Variants in MCTP2 observed in about 807,000 individuals in gnomAD.
MCTP2 encodes the protein multiple C2 and transmembrane domain-containing protein 2.
A neutral mutation model predicts 111.6 loss-of-function variants in MCTP2; 132 were observed. That is an observed-to-expected ratio of 1.18 (90% CI 1.03 to 1.37). The LOEUF (loss-of-function observed/expected upper bound fraction) is 1.37, where lower values mean the gene tolerates loss of function less well. Ranked by LOEUF, MCTP2 falls within the 40% of genes most tolerant of loss-of-function variation. The probability of loss-of-function intolerance (pLI) is 0.00; values close to 1 mark genes in which losing one functional copy is unlikely to be tolerated. For missense variants in MCTP2, 1,183 were observed against 1,067.9 expected, an observed-to-expected ratio of 1.11 and a Z score of -1.50; for synonymous variants, 395 against 387.7, an observed-to-expected ratio of 1.02 and a Z score of -0.22.
intron 2 of MCTP2, among the ~76,000 whole-genome samples, chr15:94,309,142 G>C (rs989349671): frequency 3.3e-5 from 5 of 152,166 alleles, no homozygotes; most frequent in African/African-American, 1.2e-4. Context: ...ACACCTTCCA[G>C]TTTTGACCTC....
At chr15:94,233,709 T>G (rs2070348909) in intron 1 of MCTP2, among the ~76,000 whole-genome samples, 1 of 152,188 alleles carries the variant, frequency 6.6e-6, no homozygotes, top group South Asian at 2.1e-4. Flanking sequence ...ATTTGACTTT[T>G]GCATAAAGGA....
At position 94,476,717 on chromosome 15, in the gene MCTP2, A is replaced by C; in HGVS notation, c.2492A>C (p.Lys831Thr). The change falls in exon 22 of 23, where the codon AAG (lysine) becomes ACG (threonine). Residue 831 changes from lysine (K) to threonine (T), a missense_variant. By Grantham distance (78) the Lys-to-Thr change is moderately conservative. Coordinates refer to ENST00000357742, the MANE Select transcript of MCTP2 (RefSeq NM_001385001.1). ...LIWGINKFTK[K>T]LRNPYSIDNN... ...TCAGGCATAAATAAATTTACTAAGA[A>C]GCTTCGAAATCCCTATTCCATCGAC... The C allele has an allele frequency of 6.3e-7, 1 of 1,598,280 alleles. No individual in the cohort carries two copies. The highest frequency in any genetic ancestry group is 8.6e-7 in the Non-Finnish European group (1 of 1,165,954).
chr15:94,367,652 T>G lies in MCTP2; in HGVS notation c.1349T>G (p.Leu450Arg), dbSNP rs2079265027. Residue 450 changes from leucine to arginine, a missense_variant, in exon 11 of 23, where the codon CTG becomes CGG. Physicochemically the swap from Leu to Arg is moderately radical, Grantham distance 102. Coordinates refer to ENST00000357742, the MANE Select transcript of MCTP2 (RefSeq NM_001385001.1). ...SALPLKQANC[L>R]ELPLDSCLGA... Reference sequence around the variant, plus strand: ...CTCCCTCTGAAGCAAGCCAACTGCCTGGAGCTGCCACTGGACAGCTGTCTG... The same window carrying G: ...CTCCCTCTGAAGCAAGCCAACTGCCGGGAGCTGCCACTGGACAGCTGTCTG... 1 of 1,612,060 alleles carries G rather than the reference T, an allele frequency of 6.2e-7. No homozygotes were observed. Among genetic ancestry groups the G allele is most frequent in the Middle Eastern group, 1.7e-4 (1 of 6,046 alleles).
chr15:94,419,853 T>C (rs1458706845), intron 17 of MCTP2, among the ~76,000 whole-genome samples: 1 of 152,038 alleles, frequency 6.6e-6, no homozygotes, highest in African/African-American at 2.4e-5. Flanking sequence ...CCAGAAGTTC[T>C]AGCTGAGATA....
chr15:94,449,395 C>T (rs761379640), intron 19 of MCTP2, among the ~76,000 whole-genome samples: 7 of 152,264 alleles, frequency 4.6e-5, no homozygotes, highest in Non-Finnish European at 1.0e-4. Flanking sequence ...ATTTCTCAGC[C>T]AGGATAGTGG....
chr15:94,332,960 A>G (rs1330131682), intron 4 of MCTP2, among the ~76,000 whole-genome samples: 5 of 152,184 alleles, frequency 3.3e-5, no homozygotes, highest in Admixed American at 1.3e-4. Flanking sequence ...GTGTGGTTTT[A>G]TATTTAAATT....
At position 94,482,313 on chromosome 15, in the gene MCTP2, A is replaced by C. The variant is rs1214940536; in HGVS notation, c.*3279A>C. The C allele has an allele frequency of 1.3e-5, 2 of 152,228 alleles. No individual in the cohort carries two copies. Among genetic ancestry groups the C allele is most frequent in the African/African-American group, 4.8e-5 (2 of 41,460 alleles). The allele number at this position is 152,228 out of a possible 1,614,324, so 9.4% of individuals were successfully genotyped here. A position where few individuals can be genotyped will look rare whatever the true frequency, so the allele number is the denominator to read the frequency against. On this transcript the variant is annotated 3_prime_UTR_variant, in exon 23 of 23. Coordinates refer to ENST00000357742, the MANE Select transcript of MCTP2 (RefSeq NM_001385001.1). ...TTAGCCCTTTGTAGTACTCCTGATAAATGAATAACACCCTGGACTTTCAAA... is the reference window on the plus strand; with the variant it reads ...TTAGCCCTTTGTAGTACTCCTGATACATGAATAACACCCTGGACTTTCAAA...
chr15:94,422,194 G>C (rs1276896045), intron 17 of MCTP2, among the ~76,000 whole-genome samples: 1 of 152,144 alleles, frequency 6.6e-6, no homozygotes, highest in East Asian at 1.9e-4. Context: ...GGAGGAAGCT[G>C]TGTACCTGTC....
At chr15:94,463,409 T>TCA (rs1428923904) in intron 20 of MCTP2, among the ~76,000 whole-genome samples, 1 of 152,212 alleles carries the variant, frequency 6.6e-6, no homozygotes, top group African/African-American at 2.4e-5. Flanking sequence ...TACCTGTTAC[T>TCA]CACATATAGA....
intron 1 of MCTP2, among the ~76,000 whole-genome samples, chr15:94,273,074 T>C (rs1489279327): frequency 6.6e-6 from 1 of 152,180 alleles, no homozygotes; most frequent in Non-Finnish European, 1.5e-5. Flanking sequence ...CCTAGAACTC[T>C]CTAGTAGGGC....
chr15:94,312,050 G>T (rs919456291), intron 2 of MCTP2, among the ~76,000 whole-genome samples: 1 of 152,122 alleles, frequency 6.6e-6, no homozygotes, highest in Admixed American at 6.5e-5. Flanking sequence ...TAGTTTTGTG[G>T]AATTATCTTC....
intron 7 of MCTP2, chr15:94,341,772 C>T (rs2077652936): frequency 6.6e-6 from 1 of 152,178 alleles, no homozygotes; most frequent in Admixed American, 6.5e-5. Flanking sequence ...AAAGATTCAA[C>T]TAAATATCTG....
At position 94,306,983 on chromosome 15, in the gene MCTP2, G is replaced by A. The variant is rs114500470; in HGVS notation, c.466-7299G>A. 4.1e-3 allele frequency among the ~76,000 whole-genome samples: 618 copies of A among 152,244 alleles called. 7 individuals carry two copies. The highest frequency in any genetic ancestry group is 0.014 in the African/African-American group (583 of 41,548). On this transcript the variant is annotated intron_variant, in intron 2 of 22. Coordinates refer to ENST00000357742, the MANE Select transcript of MCTP2 (RefSeq NM_001385001.1). ...ATGACGTCATTTTTACTATTTTTGT[G>A]TGATCTCGAAAGTCGTACCTCAATA... is the stretch of plus-strand genomic sequence containing the variant.
chr15:94,414,863 C>T (rs574626832), intron 17 of MCTP2, among the ~76,000 whole-genome samples: 2 of 152,224 alleles, frequency 1.3e-5, no homozygotes, highest in East Asian at 3.9e-4. Context: ...TTACAGACTT[C>T]GTAGCTTAAA....
intron 21 of MCTP2, among the ~76,000 whole-genome samples, chr15:94,475,333 CGGG>C (rs2074265626): frequency 1.3e-5 from 2 of 152,170 alleles, no homozygotes; most frequent in Admixed American, 6.5e-5. Context: ...ACCATTTACT[CGGG>C]CACAATGGCT....
intron 21 of MCTP2, among the ~76,000 whole-genome samples, chr15:94,472,393 A>C (rs1006542294): frequency 6.6e-6 from 1 of 152,150 alleles, no homozygotes; most frequent in Non-Finnish European, 1.5e-5. Flanking sequence ...AAAACAAAAC[A>C]AAAAAACGAA....
At chr15:94,244,507 T>G (rs2071573113) in intron 1 of MCTP2, among the ~76,000 whole-genome samples, 1 of 147,024 alleles carries the variant, frequency 6.8e-6, no homozygotes, top group Non-Finnish European at 1.5e-5. Flanking sequence ...TACACATACA[T>G]ATGCACCTAT....
At chr15:94,439,189 A>G (rs532129883) in intron 17 of MCTP2, among the ~76,000 whole-genome samples, 3 of 152,370 alleles carry the variant, frequency 2.0e-5, no homozygotes, top group Admixed American at 2.0e-4. Flanking sequence ...AAAGCAATAT[A>G]TGATAATCAC....
chr15:94,431,043 C>T (rs1318064577), intron 17 of MCTP2, among the ~76,000 whole-genome samples: 1 of 152,026 alleles, frequency 6.6e-6, no homozygotes, highest in African/African-American at 2.4e-5. Flanking sequence ...TTTTTTCTAT[C>T]TCATCTTCAA....
Sources: gnomAD v4.1 joint callset for allele counts (sites outside exome capture counted in the v4.1 genomes callset) on GRCh38, gnomAD v4.1.1 for gene constraint, MANE v1.5 for transcripts, NCBI Gene and HGNC (gene_info 2026-07-23, HGNC 2026-07-21) for gene names.